Variants in KCNK2 observed in about 807,000 individuals in gnomAD.
KCNK2 encodes the protein potassium channel subfamily K member 2.
In KCNK2, 21 loss-of-function variants were observed where a neutral mutation model predicts 40.5. The observed-to-expected ratio is 0.52, with a 90% CI of 0.37 to 0.75. The LOEUF is 0.75. Ranked by LOEUF, KCNK2 falls within the 30% of genes least tolerant of loss-of-function variation. KCNK2 has a pLI of 0.00. For synonymous variants in KCNK2, 191 were observed against 202.2 expected (o/e 0.94, Z 0.47); for missense variants, 399 against 531.6 (o/e 0.75, Z 2.45).
At chr1:215,066,894 T>TA (rs1349619749) in intron 1 of KCNK2, among the ~76,000 whole-genome samples, 1 of 152,134 alleles carries the variant, frequency 6.6e-6, no homozygotes, top group African/African-American at 2.4e-5. Context: ...ACATTTTCAA[T>TA]AAAAAAATAA....
chr1:215,033,845 C>T (rs1011855123), intron 1 of KCNK2, among the ~76,000 whole-genome samples: 1 of 152,200 alleles, frequency 6.6e-6, no homozygotes, highest in African/African-American at 2.4e-5. Context: ...CCTTATTTAA[C>T]TTTTCCCTGT....
At chr1:215,016,077 C>G (rs1423723750) in intron 1 of KCNK2, among the ~76,000 whole-genome samples, 1 of 152,134 alleles carries the variant, frequency 6.6e-6, no homozygotes, top group Admixed American at 6.5e-5. Flanking sequence ...CCCAATGCAA[C>G]AAGCCACATG....
intron 5 of KCNK2, among the ~76,000 whole-genome samples, chr1:215,178,454 T>C (rs1340279335): frequency 1.3e-5 from 2 of 152,190 alleles, no homozygotes; most frequent in African/African-American, 4.8e-5. Context: ...AGGGGAATGC[T>C]TCCAGTTTTT....
At chr1:215,086,783 C>T in intron 2 of KCNK2, 105 bp downstream of exon 2, 2 of 942,342 alleles carry the variant, frequency 2.1e-6, no homozygotes, top group Non-Finnish European at 1.6e-6. Context: ...CTGGTGGGAG[C>T]CCTATCCCAC....
intron 3 of KCNK2, among the ~76,000 whole-genome samples, chr1:215,142,566 G>A (rs571832048): frequency 2.0e-5 from 3 of 152,082 alleles, no homozygotes; most frequent in South Asian, 4.1e-4. Flanking sequence ...GTTTTTTTAC[G>A]TTACTTGTTT....
upstream of KCNK2, chr1:215,081,959 C>G (rs1177872792): frequency 6.6e-6 from 1 of 152,222 alleles, no homozygotes; most frequent in African/African-American, 2.4e-5. Context: ...AAATACGGAT[C>G]CTGATGGGGA....
At chr1:215,123,225 T>A (rs373690401) in intron 2 of KCNK2, among the ~76,000 whole-genome samples, 1 of 151,352 alleles carries the variant, frequency 6.6e-6, no homozygotes, top group Non-Finnish European at 1.5e-5. Context: ...AATATGGTAA[T>A]AAAAAAAACC....
At chr1:215,189,182 G>T (rs980541047) in intron 5 of KCNK2, among the ~76,000 whole-genome samples, 10 of 152,120 alleles carry the variant, frequency 6.6e-5, no homozygotes, top group African/African-American at 9.7e-5. Context: ...GACCCAAATG[G>T]TTCAGAAGTC....
At chr1:215,059,303 A>C (rs545147697) in intron 1 of KCNK2, among the ~76,000 whole-genome samples, 14 of 152,236 alleles carry the variant, frequency 9.2e-5, no homozygotes, top group African/African-American at 3.1e-4. Flanking sequence ...TTATTACTTT[A>C]GTGAACGCTG....
chr1:215,086,017 G>A (rs1659416783), intron 1 of KCNK2, among the ~76,000 whole-genome samples: 1 of 152,148 alleles, frequency 6.6e-6, no homozygotes, highest in African/African-American at 2.4e-5. Context: ...CAACTCTTAG[G>A]AGTTCAGTAT....
At chr1:215,059,493 A>G (rs1406895893) in intron 1 of KCNK2, among the ~76,000 whole-genome samples, 7 of 152,216 alleles carry the variant, frequency 4.6e-5, no homozygotes. Context: ...ATTATATACT[A>G]TATAGAGAAA....
At chr1:215,129,651 G>C (rs899608183) in intron 3 of KCNK2, among the ~76,000 whole-genome samples, 3 of 152,170 alleles carry the variant, frequency 2.0e-5, no homozygotes, top group Non-Finnish European at 4.4e-5. Context: ...GACAGATTTT[G>C]GCATGTTCAA....
chr1:215,225,948 T>C (rs976739656), intron 6 of KCNK2, among the ~76,000 whole-genome samples: 4 of 152,220 alleles, frequency 2.6e-5, no homozygotes, highest in African/African-American at 9.7e-5. Flanking sequence ...ATGAGCTTAC[T>C]GTAAATTTCA....
chr1:215,150,806 G>A (rs527298696), intron 3 of KCNK2, among the ~76,000 whole-genome samples: 35 of 151,142 alleles, frequency 2.3e-4, no homozygotes, highest in South Asian at 1.3e-3. Context: ...TTAATTCCAC[G>A]CACAACTAAT....
At chr1:215,155,797 G>T (rs1401648602) in intron 3 of KCNK2, among the ~76,000 whole-genome samples, 2 of 152,162 alleles carry the variant, frequency 1.3e-5, no homozygotes, top group Non-Finnish European at 2.9e-5. Context: ...GGGATTACAG[G>T]CATGAACCAC....
chr1:215,060,878 A>G (rs2102507467), intron 1 of KCNK2, among the ~76,000 whole-genome samples: 1 of 152,308 alleles, frequency 6.6e-6, no homozygotes, highest in South Asian at 2.1e-4. Context: ...TATTAAGACT[A>G]TATGATTGTG....
At chr1:215,217,724 A>G (rs1488022162) in intron 6 of KCNK2, among the ~76,000 whole-genome samples, 2 of 152,214 alleles carry the variant, frequency 1.3e-5, no homozygotes, top group African/African-American at 2.4e-5. Context: ...TTTAAATTTT[A>G]AAATAACCAC....
intron 5 of KCNK2, among the ~76,000 whole-genome samples, chr1:215,177,740 A>ATATATATTTTTTTT (rs71167812): frequency 4.9e-5 from 5 of 101,600 alleles, no homozygotes; most frequent in Non-Finnish European, 9.9e-5. Context: ...ATATATATAT[A>ATATATATTTTTTTT]TTTTTTTTTT....
intron 1 of KCNK2, among the ~76,000 whole-genome samples, chr1:215,031,204 G>T (rs1483797305): frequency 1.3e-5 from 2 of 152,062 alleles, no homozygotes; most frequent in Non-Finnish European, 2.9e-5. Flanking sequence ...GCAATATTAT[G>T]TTGGCTATTC....
Sources: gnomAD v4.1 joint callset for allele counts (sites outside exome capture counted in the v4.1 genomes callset) on GRCh38, gnomAD v4.1.1 for gene constraint, MANE v1.5 for transcripts, NCBI Gene and HGNC (gene_info 2026-07-23, HGNC 2026-07-21) for gene names.